Variants in YJU2B observed in about 807,000 individuals in gnomAD.
The protein encoded by YJU2B is YJU2 splicing factor homolog B, also known as probable splicing factor YJU2B.
A neutral mutation model predicts 38.0 loss-of-function variants in YJU2B; 18 were observed. That is an observed-to-expected ratio of 0.47 (90% CI 0.33 to 0.70). The LOEUF is 0.70. YJU2B is among the 30% of genes least tolerant of loss of function. The pLI is 0.02. For synonymous variants in YJU2B, 246 were observed against 225.4 expected (o/e 1.09, Z -0.82); for missense variants, 538 against 556.3 (o/e 0.97, Z 0.33).
chr19:13,740,610 T>C (rs772887064), intron 2 of YJU2B, among the ~76,000 whole-genome samples: 1 of 152,162 alleles, frequency 6.6e-6, no homozygotes, highest in Non-Finnish European at 1.5e-5. Context: ...CAATCTTGGC[T>C]CACTGCAACC....
upstream of YJU2B, among the ~76,000 whole-genome samples, chr19:13,746,237 G>A (rs555013972): frequency 1.1e-4 from 16 of 151,854 alleles, no homozygotes; most frequent in African/African-American, 3.4e-4. Context: ...GAGTGACAGT[G>A]AGACTCCGAC....
At chr19:13,754,432 G>A (rs886544892) in intron 3 of YJU2B, 90 bp downstream of exon 3, 5 of 1,108,008 alleles carry the variant, frequency 4.5e-6, no homozygotes, top group Non-Finnish European at 5.5e-6. Flanking sequence ...GGAAGGATGG[G>A]TGGCCCCCAA....
upstream of YJU2B, among the ~76,000 whole-genome samples, chr19:13,745,753 ATAT>A (rs560366441): frequency 2.2e-3 from 310 of 143,946 alleles, 3 homozygotes; most frequent in African/African-American, 7.4e-3. Context: ...AGATATATAT[ATAT>A]ATCAGGAGGA....
Position 13,756,189 on chromosome 19 carries a change from C to T in YJU2B, c.58-8C>T. On this transcript the variant is annotated splice_polypyrimidine_tract_variant and splice_region_variant and intron_variant, in intron 3 of 9. Coordinates refer to ENST00000221554, the MANE Select transcript of YJU2B (RefSeq NM_030818.4). ...AGCACTAATCCGCTCCTCATCCTCT[C>T]CACACAGCATGGCTCTCTCAACCGA... 6.2e-7 allele frequency: 1 copy of T among 1,613,472 alleles called. No individual in the cohort carries two copies. The highest frequency in any genetic ancestry group is 8.5e-7 in the Non-Finnish European group (1 of 1,179,486).
chr19:13,747,846 C>T (rs937847248), upstream of YJU2B: 2 of 152,330 alleles, frequency 1.3e-5, no homozygotes, highest in African/African-American at 4.8e-5. Context: ...TGCTGCCTCG[C>T]CCCGCCTCAC....
chr19:13,753,479 CAGG>C (rs1330823863), intron 2 of YJU2B, among the ~76,000 whole-genome samples: 1 of 146,720 alleles, frequency 6.8e-6, no homozygotes, highest in Non-Finnish European at 1.5e-5. Context: ...GAGGCTGAGG[CAGG>C]AGAATTGCTT....
At position 13,763,016 on chromosome 19, in the gene YJU2B, G is replaced by C. The variant is rs767903135; in HGVS notation, c.1139G>C (p.Cys380Ser). 1 of 1,593,618 alleles carries C rather than the reference G, an allele frequency of 6.3e-7. No homozygotes were observed. The highest frequency in any genetic ancestry group is 1.7e-5 in the Admixed American group (1 of 57,390). ...AADTPDTRHP[C>S]SLGSSLVADY... ...GACACCCCCGACACGCGGCACCCCT[G>C]CAGTCTCGGCTCCTCCCTCGTGGCG... The change falls in exon 10 of 10, where the codon TGC becomes TCC. Residue 380 changes from cysteine to serine, a missense_variant. Physicochemically the swap from Cys to Ser is moderately radical, Grantham distance 112 (BLOSUM62 -1). Coordinates refer to ENST00000221554, the MANE Select transcript of YJU2B (RefSeq NM_030818.4).
intron 8 of YJU2B, among the ~76,000 whole-genome samples, chr19:13,760,655 A>C (rs867472633): frequency 1.3e-5 from 2 of 151,812 alleles, no homozygotes; most frequent in Admixed American, 6.6e-5. Context: ...GTACAGCGGC[A>C]AATCATGTCT....
chr19:13,745,698 T>TAGATAGATAGATAG (rs368183752), upstream of YJU2B, among the ~76,000 whole-genome samples: 82 of 126,878 alleles, frequency 6.5e-4, no homozygotes, highest in East Asian at 1.1e-3. Flanking sequence ...TAGATATAGA[T>TAGATAGATAGATAG]ATATAGATAT....
intron 2 of YJU2B, among the ~76,000 whole-genome samples, chr19:13,734,384 G>A (rs993532947): frequency 7.3e-5 from 11 of 150,926 alleles, no homozygotes; most frequent in Non-Finnish European, 1.5e-4. Flanking sequence ...CTCTGCCACC[G>A]GGTTCAAGTG....
At chr19:13,739,463 T>G (rs1973037837) in intron 2 of YJU2B, among the ~76,000 whole-genome samples, 1 of 99,144 alleles carries the variant, frequency 1.0e-5, no homozygotes, top group Admixed American at 9.6e-5. Flanking sequence ...TAATTCTTTA[T>G]TCCTTCAACT....
intron 2 of YJU2B, among the ~76,000 whole-genome samples, chr19:13,734,071 G>A (rs1972885082): frequency 6.6e-6 from 1 of 151,966 alleles, no homozygotes; most frequent in South Asian, 2.1e-4. Flanking sequence ...GGGACTATAG[G>A]CATGCACCAC....
intron 1 of YJU2B, among the ~76,000 whole-genome samples, chr19:13,750,842 AGT>A (rs1272117387): frequency 7.6e-6 from 1 of 132,336 alleles, no homozygotes; most frequent in East Asian, 2.6e-4. Flanking sequence ...TGGGTGATAG[AGT>A]GAGACTCCGT....
intron 8 of YJU2B, chr19:13,759,586 C>T (rs1473197): frequency 3.1e-5 from 7 of 228,616 alleles, no homozygotes; most frequent in African/African-American, 9.1e-5. Flanking sequence ...ACCACCCCCC[C>T]CCTCCCCCAG....
intron 4 of YJU2B, among the ~76,000 whole-genome samples, chr19:13,757,216 A>G (rs1973698945): frequency 6.6e-6 from 1 of 152,036 alleles, no homozygotes; most frequent in Admixed American, 6.6e-5. Flanking sequence ...GCAGGCAGGA[A>G]GTTCCTGCTC....
At chr19:13,745,820 G>A (rs774796930), upstream of YJU2B, among the ~76,000 whole-genome samples, 1 of 151,266 alleles carries the variant, frequency 6.6e-6, no homozygotes, top group Non-Finnish European at 1.5e-5. Flanking sequence ...ATTGCCAGTT[G>A]AAGTGTCTGC....
chr19:13,759,975 A>G (rs1161183772), intron 8 of YJU2B, among the ~76,000 whole-genome samples: 1 of 152,054 alleles, frequency 6.6e-6, no homozygotes, highest in African/African-American at 2.4e-5. Context: ...TATTCTTAGT[A>G]GAGACGGGGT....
chr19:13,739,259 C>T (rs1225964604), intron 2 of YJU2B, among the ~76,000 whole-genome samples: 1 of 152,052 alleles, frequency 6.6e-6, no homozygotes, highest in Non-Finnish European at 1.5e-5. Flanking sequence ...AATCCTCCTG[C>T]CTCAGCCTCC....
chr19:13,736,546 C>T (rs893965687), intron 2 of YJU2B, among the ~76,000 whole-genome samples: 2 of 151,854 alleles, frequency 1.3e-5, no homozygotes, highest in African/African-American at 4.8e-5. Context: ...AGGCATAAGC[C>T]ACCGTGCCCA....
Sources: gnomAD v4.1 joint callset for allele counts (sites outside exome capture counted in the v4.1 genomes callset) on GRCh38, gnomAD v4.1.1 for gene constraint, MANE v1.5 for transcripts, NCBI Gene and HGNC (gene_info 2026-07-23, HGNC 2026-07-21) for gene names.